CACNA2D1: variants seen among roughly 807,000 people sequenced by gnomAD.
CACNA2D1 encodes calcium voltage-gated channel auxiliary subunit alpha2delta 1.
In CACNA2D1, 53 loss-of-function variants were observed where a neutral mutation model predicts 171.5. That is an observed-to-expected ratio of 0.31 (90% CI 0.25 to 0.39). CACNA2D1 has a LOEUF of 0.39. CACNA2D1 is among the 10% of genes least tolerant of loss of function. The pLI is 1.00. For missense variants in CACNA2D1, 903 were observed against 1,299.8 expected (o/e 0.69, Z 4.69); for synonymous variants, 442 against 443.1 (o/e 1.00, Z 0.03).
At chr7:82,206,973 G>A (rs183072128) in intron 3 of CACNA2D1, among the ~76,000 whole-genome samples, 22 of 152,204 alleles carry the variant, frequency 1.4e-4, no homozygotes, top group Non-Finnish European at 2.4e-4. Context: ...TTTATTGAAT[G>A]GAATTTAAAC....
intron 3 of CACNA2D1, among the ~76,000 whole-genome samples, chr7:82,181,538 A>G (rs1797141424): frequency 6.6e-6 from 1 of 152,198 alleles, no homozygotes; most frequent in South Asian, 2.1e-4. Context: ...TCTATGGGTT[A>G]ACAAACATCC....
intron 3 of CACNA2D1, among the ~76,000 whole-genome samples, chr7:82,212,869 G>A (rs896860291): frequency 2.6e-5 from 4 of 151,922 alleles, no homozygotes; most frequent in Non-Finnish European, 4.4e-5. Context: ...GGTGGATTTG[G>A]GAAGACAAGA....
At chr7:82,105,829 G>A (rs972564387) in intron 6 of CACNA2D1, among the ~76,000 whole-genome samples, 8 of 152,056 alleles carry the variant, frequency 5.3e-5, no homozygotes, top group Middle Eastern at 3.2e-3. Flanking sequence ...TGTCCATGAC[G>A]CCTACATGAA....
intron 12 of CACNA2D1, among the ~76,000 whole-genome samples, chr7:82,016,622 CA>C (rs774063245): frequency 0.02 from 2,295 of 112,244 alleles, 64 homozygotes; most frequent in Non-Finnish European, 0.03. Context: ...CCCCCCCCCC[CA>C]AAAAAAAAGC....
At chr7:82,073,930 G>A (rs2128996006) in intron 7 of CACNA2D1, among the ~76,000 whole-genome samples, 1 of 152,136 alleles carries the variant, frequency 6.6e-6, no homozygotes, top group East Asian at 1.9e-4. Flanking sequence ...ATGATAAGAT[G>A]CACACAACCA....
chr7:82,051,512 CT>C (rs2131311309), intron 10 of CACNA2D1, among the ~76,000 whole-genome samples: 1 of 152,028 alleles, frequency 6.6e-6, no homozygotes, highest in East Asian at 1.9e-4. Flanking sequence ...TTTATAATGA[CT>C]GTGAATTGGA....
At chr7:82,144,056 G>C (rs1282377437) in intron 4 of CACNA2D1, among the ~76,000 whole-genome samples, 1 of 152,018 alleles carries the variant, frequency 6.6e-6, no homozygotes, top group African/African-American at 2.4e-5. Flanking sequence ...TTCAAAAACT[G>C]TATTCCATCT....
chr7:82,084,018 C>T (rs530287966), intron 7 of CACNA2D1, among the ~76,000 whole-genome samples: 15 of 152,162 alleles, frequency 9.9e-5, no homozygotes, highest in African/African-American at 1.7e-4. Context: ...AGAAAGAAAA[C>T]GCATTTTATG....
intron 3 of CACNA2D1, among the ~76,000 whole-genome samples, chr7:82,254,119 A>G (rs1175257195): frequency 6.6e-6 from 1 of 152,178 alleles, no homozygotes; most frequent in African/African-American, 2.4e-5. Flanking sequence ...AAGTTTTAAA[A>G]GATCACATCT....
intron 1 of CACNA2D1, among the ~76,000 whole-genome samples, chr7:82,355,479 A>G (rs1054795967): frequency 6.6e-6 from 1 of 152,202 alleles, no homozygotes; most frequent in East Asian, 1.9e-4. Flanking sequence ...GGACTTAAAC[A>G]TGATAGCTAG....
At chr7:82,292,268 C>T (rs958566997) in intron 3 of CACNA2D1, among the ~76,000 whole-genome samples, 3 of 152,114 alleles carry the variant, frequency 2.0e-5, no homozygotes, top group Non-Finnish European at 4.4e-5. Context: ...CTCATGTTTT[C>T]CTTGGAGACA....
intron 1 of CACNA2D1, among the ~76,000 whole-genome samples, chr7:82,352,140 T>C (rs1437752206): frequency 6.6e-6 from 1 of 152,196 alleles, no homozygotes; most frequent in Non-Finnish European, 1.5e-5. Flanking sequence ...CAGTCTTCCC[T>C]ACCCCACTGA....
chr7:82,299,596 G>C (rs111493438), intron 3 of CACNA2D1, among the ~76,000 whole-genome samples: 5,837 of 151,212 alleles, frequency 0.039, 165 homozygotes, highest in Middle Eastern at 0.079. Context: ...GGAGGCGGAG[G>C]TTACACTGAG....
At chr7:82,382,267 A>T (rs887083578) in intron 1 of CACNA2D1, among the ~76,000 whole-genome samples, 1 of 152,228 alleles carries the variant, frequency 6.6e-6, no homozygotes, top group Non-Finnish European at 1.5e-5. Flanking sequence ...TCTAAAATTT[A>T]CTAGAACTAA....
chr7:82,262,786 C>G (rs1807296382), intron 3 of CACNA2D1, among the ~76,000 whole-genome samples: 1 of 152,128 alleles, frequency 6.6e-6, no homozygotes, highest in African/African-American at 2.4e-5. Context: ...AAATTTTTCT[C>G]TCCCAGAGCA....
chr7:81,947,710 AC>A lies in CACNA2D1; in HGVS notation c.*2681del, dbSNP rs912377528. ...CAGTCGTTGGAAATCAATATTAATAACAGGCTATAATTTAAGTTCTTGTCAA... is the reference window on the plus strand; with the variant it reads ...CAGTCGTTGGAAATCAATATTAATAAAGGCTATAATTTAAGTTCTTGTCAA... On this transcript the variant is annotated 3_prime_UTR_variant, in exon 39 of 39. Coordinates refer to ENST00000356860, the MANE Select transcript of CACNA2D1 (RefSeq NM_000722.4). 6.6e-6 allele frequency: 1 copy of A among 151,906 alleles called. No individual in the cohort carries two copies. The highest frequency in any genetic ancestry group is 1.5e-5 in the Non-Finnish European group (1 of 67,856). The allele number at this position is 151,906 out of a possible 1,614,324, so 9.4% of individuals were successfully genotyped here. A position where few individuals can be genotyped will look rare whatever the true frequency, so the allele number is the denominator to read the frequency against.
chr7:82,198,770 C>T (rs75178334), intron 3 of CACNA2D1, among the ~76,000 whole-genome samples: 9,631 of 151,712 alleles, frequency 0.063, 698 homozygotes, highest in East Asian at 0.2. Context: ...TAATCCTCTA[C>T]TCTATTAATA....
chr7:82,126,974 G>C (rs1563086503), intron 5 of CACNA2D1, among the ~76,000 whole-genome samples: 1 of 152,252 alleles, frequency 6.6e-6, no homozygotes, highest in Non-Finnish European at 1.5e-5. Flanking sequence ...AAAAGAACTT[G>C]GTTCTGATGG....
At chr7:82,247,024 T>C (rs899607214) in intron 3 of CACNA2D1, among the ~76,000 whole-genome samples, 1 of 152,200 alleles carries the variant, frequency 6.6e-6, no homozygotes, top group Non-Finnish European at 1.5e-5. Flanking sequence ...AGAGTCCAAG[T>C]AGAAGTCTTC....
Sources: allele counts gnomAD v4.1 joint callset (sites outside exome capture counted in the v4.1 genomes callset), GRCh38; gene constraint gnomAD v4.1.1; transcripts MANE v1.5; gene names NCBI Gene and HGNC (gene_info 2026-07-23, HGNC 2026-07-21).